The following COL4A5 variants were observed in gnomAD, a reference collection of about 807,000 sequenced individuals.
The protein encoded by COL4A5 is collagen type IV alpha 5 chain, also known as collagen alpha-5(IV) chain.
COL4A5 carries 26 observed loss-of-function variants against 130.2 expected under a neutral mutation model. The observed-to-expected ratio is 0.20, with a 90% confidence interval of 0.15 to 0.28. The LOEUF is 0.28. Among genes scored for constraint, COL4A5 ranks in the 10% least tolerant of loss-of-function variants. COL4A5 has a pLI of 1.00. For synonymous variants in COL4A5, 496 were observed against 439.6 expected (o/e 1.13, Z -1.60); for missense variants, 1,131 against 1,344.3 (o/e 0.84, Z 2.48).
chrX:108,659,989 G>C (rs1185264048), intron 37 of COL4A5, among the ~76,000 whole-genome samples: 2 of 110,558 alleles, frequency 1.8e-5, no homozygotes, highest in African/African-American at 6.5e-5. Context: ...ATATGCTGTG[G>C]TATTCCATTC....
rs183478464 is a variant in COL4A5 at position 108,684,172 on chromosome X, A to G, written c.4217-1859A>G. Among the ~76,000 whole-genome samples, 15 of 111,766 alleles carry G rather than the reference A, an allele frequency of 1.3e-4. No individual in the cohort carries two copies. In the South Asian group the frequency reaches 1.5e-3, roughly 11 times the overall value. On this transcript the variant is annotated intron_variant, in intron 47 of 52. Transcript: ENST00000328300. ...CCACAGGAGAAAGCAGGAAAGATCT[A>G]AAATCAATACCCTTATATCAAAATT...
chrX:108,504,626 A>G (rs1198665511), intron 1 of COL4A5, among the ~76,000 whole-genome samples: 1 of 112,455 alleles, frequency 8.9e-6, no homozygotes, highest in Non-Finnish European at 1.9e-5. Flanking sequence ...ATGGCCAAGA[A>G]ACATGGAATC....
At chrX:108,509,566 C>T (rs897607854) in intron 1 of COL4A5, among the ~76,000 whole-genome samples, 2 of 112,123 alleles carry the variant, frequency 1.8e-5, no homozygotes, top group South Asian at 7.5e-4. Context: ...TGCTCAATGT[C>T]ACTGATCATT....
At chrX:108,534,409 AAAC>A (rs748424053) in intron 1 of COL4A5, among the ~76,000 whole-genome samples, 2 of 112,090 alleles carry the variant, frequency 1.8e-5, no homozygotes, top group East Asian at 5.6e-4. Context: ...TTAGCCATAA[AAAC>A]TAGTGAAATC....
intron 29 of COL4A5, among the ~76,000 whole-genome samples, chrX:108,613,369 T>C (rs1429457545): frequency 1.8e-5 from 2 of 112,185 alleles, no homozygotes; most frequent in Non-Finnish European, 3.8e-5. Flanking sequence ...GGAAGTACTT[T>C]GTCATCCCTT....
At chrX:108,631,202 G>T (rs1045400869) in intron 36 of COL4A5, among the ~76,000 whole-genome samples, 10 of 111,725 alleles carry the variant, frequency 9.0e-5, no homozygotes, top group African/African-American at 2.9e-4. Flanking sequence ...AAAGTCATTG[G>T]TAGCTTGATG....
At chrX:108,576,132 A>T (rs1269130227) in intron 10 of COL4A5, among the ~76,000 whole-genome samples, 160 bp downstream of exon 10, 1 of 105,798 alleles carries the variant, frequency 9.5e-6, no homozygotes, top group African/African-American at 3.3e-5. Context: ...ATGGTGAATA[A>T]TATGCATTCT....
intron 36 of COL4A5, among the ~76,000 whole-genome samples, chrX:108,630,525 G>T (rs1406881731): frequency 8.9e-6 from 1 of 112,014 alleles, no homozygotes; most frequent in African/African-American, 3.2e-5. Flanking sequence ...TTGTAAATTT[G>T]TTTAAGTTCT....
intron 29 of COL4A5, among the ~76,000 whole-genome samples, chrX:108,609,832 G>A (rs1233256255): frequency 9.1e-6 from 1 of 110,383 alleles, no homozygotes; most frequent in East Asian, 2.8e-4. Flanking sequence ...TAATATATGT[G>A]TTGATCTACT....
At chrX:108,526,722 TTTCTTCC>T (rs1190155283) in intron 1 of COL4A5, among the ~76,000 whole-genome samples, 14 of 87,400 alleles carry the variant, frequency 1.6e-4, no homozygotes, top group Admixed American at 8.0e-4. Context: ...TCTTTCTTTC[TTTCTTCC>T]TCCTCCTCCT....
Position 108,602,946 on chromosome X carries a change from T to C in COL4A5, c.2147-18T>C. The C allele has an allele frequency of 9.1e-7, 1 of 1,104,366 alleles. No individual in the cohort carries two copies. The highest frequency in any genetic ancestry group is 1.2e-6 in the Non-Finnish European group (1 of 810,679). The allele number at this position is 1,104,366 out of a possible 1,213,427, so 91.0% of individuals were successfully genotyped here. ...TGCCTTTCCTTTGGTGGTTAAAAAA[T>C]GACTTATCATTTTACAGGCTTTCCT... On this transcript the variant is annotated intron_variant, in intron 27 of 52. Coordinates refer to ENST00000328300, the MANE Select transcript of COL4A5 (RefSeq NM_033380.3).
intron 41 of COL4A5, among the ~76,000 whole-genome samples, chrX:108,668,840 G>T (rs1424249593): frequency 1.8e-5 from 2 of 111,912 alleles, no homozygotes; most frequent in Non-Finnish European, 3.8e-5. Flanking sequence ...TCAGCAAAAT[G>T]CCATCTGCAT....
intron 18 of COL4A5, among the ~76,000 whole-genome samples, chrX:108,585,785 T>C (rs1013242504): frequency 1.8e-5 from 2 of 111,464 alleles, no homozygotes; most frequent in African/African-American, 6.5e-5. Flanking sequence ...AAGAAATGAT[T>C]AGTTAGTTGG....
intron 43 of COL4A5, 111 bp downstream of exon 43, chrX:108,674,864 G>T: frequency 5.5e-6 from 4 of 730,869 alleles, no homozygotes; most frequent in Admixed American, 7.1e-5. Flanking sequence ...GGAGAGTGCT[G>T]TTATCCTCAA....
chrX:108,575,283 C>A (rs917852858), intron 9 of COL4A5, among the ~76,000 whole-genome samples: 1 of 111,678 alleles, frequency 9.0e-6, no homozygotes, highest in African/African-American at 3.3e-5. Context: ...GAGAAGCTAT[C>A]TTGAAAGTAG....
chrX:108,598,658 T>C, intron 24 of COL4A5, 44 bp from the exon 25 acceptor site: 1 of 1,095,600 alleles, frequency 9.1e-7, no homozygotes, highest in Non-Finnish European at 1.3e-6. Context: ...CTACAGATAG[T>C]TGTTGTATCT....
chrX:108,691,666 A>T (rs73530169), intron 49 of COL4A5, among the ~76,000 whole-genome samples: 10,288 of 111,233 alleles, frequency 0.092, 1,088 homozygotes, highest in African/African-American at 0.3. Context: ...ACTTTCAAAA[A>T]TAAAAATATG....
At chrX:108,644,736 C>G (rs2067539087) in intron 36 of COL4A5, among the ~76,000 whole-genome samples, 1 of 109,872 alleles carries the variant, frequency 9.1e-6, no homozygotes, top group South Asian at 3.9e-4. Flanking sequence ...CTTATGTCTA[C>G]TAAAATTACA....
intron 36 of COL4A5, among the ~76,000 whole-genome samples, chrX:108,650,663 G>A (rs1262916714): frequency 1.8e-5 from 2 of 110,831 alleles, no homozygotes; most frequent in Non-Finnish European, 3.8e-5. Context: ...TATTCTAAGT[G>A]AAGTAACTCA....
Sources: gnomAD v4.1 joint callset for allele counts (sites outside exome capture counted in the v4.1 genomes callset) on GRCh38, gnomAD v4.1.1 for gene constraint, MANE v1.5 for transcripts, NCBI Gene and HGNC (gene_info 2026-07-23, HGNC 2026-07-21) for gene names.